Variants in DNAJC6 observed in about 807,000 individuals in gnomAD.
The protein encoded by DNAJC6 is DnaJ heat shock protein family (Hsp40) member C6, also known as auxilin.
In DNAJC6, 34 loss-of-function variants were observed where a neutral mutation model predicts 110.0. That is an observed-to-expected ratio of 0.31 (90% CI 0.24 to 0.41). The LOEUF (loss-of-function observed/expected upper bound fraction) is 0.41, where lower values mean the gene tolerates loss of function less well. DNAJC6 is among the 10% of genes least tolerant of loss of function. The pLI, the probability that DNAJC6 is intolerant of heterozygous loss-of-function variation, is 1.00. For synonymous variants in DNAJC6, 406 were observed against 437.2 expected (o/e 0.93, Z 0.89); for missense variants, 1,031 against 1,207.8 (o/e 0.85, Z 2.17).
intron 1 of DNAJC6, among the ~76,000 whole-genome samples, chr1:65,291,070 G>C (rs1443935268): frequency 1.3e-5 from 2 of 152,154 alleles, no homozygotes; most frequent in Non-Finnish European, 2.9e-5. Context: ...GTCTTACTTT[G>C]TCACCCAGGC....
At chr1:65,310,080 C>T (rs1645084511) in intron 1 of DNAJC6, 142 bp downstream of exon 1, 2 of 950,184 alleles carry the variant, frequency 2.1e-6, no homozygotes, top group Admixed American at 3.7e-5. Flanking sequence ...TCTAATACCA[C>T]CTGGGTGTCG....
intron 15 of DNAJC6, 122 bp downstream of exon 15, chr1:65,402,002 C>G: frequency 7.5e-7 from 1 of 1,334,826 alleles, no homozygotes; most frequent in Non-Finnish European, 1.0e-6. Context: ...AGTGTGTATT[C>G]TTAAGCTATC....
intron 1 of DNAJC6, among the ~76,000 whole-genome samples, chr1:65,344,622 A>C (rs563073017): frequency 1.6e-4 from 25 of 152,136 alleles, no homozygotes; most frequent in Non-Finnish European, 3.2e-4. Flanking sequence ...AATTCAATTA[A>C]CTCCATGATT....
upstream of DNAJC6, among the ~76,000 whole-genome samples, chr1:65,307,010 CTCTCTCTCTATATATATA>C (rs1645049030): frequency 1.2e-5 from 1 of 84,778 alleles, no homozygotes; most frequent in Non-Finnish European, 2.2e-5. Flanking sequence ...CTCTCTCTCT[CTCTCTCTCTATATATATA>C]TATATATATA....
chr1:65,307,014 C>CTATATATA (rs1330055090), upstream of DNAJC6, among the ~76,000 whole-genome samples: 19 of 75,954 alleles, frequency 2.5e-4, no homozygotes, highest in African/African-American at 1.0e-3. Flanking sequence ...CTCTCTCTCT[C>CTATATATA]TCTCTATATA....
chr1:65,377,831 A>G (rs527578837), intron 4 of DNAJC6, among the ~76,000 whole-genome samples: 1 of 152,340 alleles, frequency 6.6e-6, no homozygotes, highest in Non-Finnish European at 1.5e-5. Context: ...CCATGGTCAA[A>G]TAGAAGGAAT....
At chr1:65,375,551 G>T (rs1346410401) in intron 4 of DNAJC6, among the ~76,000 whole-genome samples, 1 of 151,674 alleles carries the variant, frequency 6.6e-6, no homozygotes, top group Non-Finnish European at 1.5e-5. Flanking sequence ...TCAGCCTCCC[G>T]AGTAACTCGG....
chr1:65,265,006 C>A, intron 1 of DNAJC6: 1 of 1,387,906 alleles, frequency 7.2e-7, no homozygotes, highest in South Asian at 1.2e-5. Context: ...CGATGTCACT[C>A]CACAGACATA....
chr1:65,405,493 C>T (rs1646067103), intron 15 of DNAJC6, among the ~76,000 whole-genome samples: 1 of 152,002 alleles, frequency 6.6e-6, no homozygotes, highest in South Asian at 2.1e-4. Flanking sequence ...ACAGAATCTG[C>T]TCAGAAGATG....
intron 1 of DNAJC6, among the ~76,000 whole-genome samples, chr1:65,276,079 G>A (rs1329047384): frequency 4.6e-5 from 7 of 151,908 alleles, no homozygotes; most frequent in East Asian, 1.9e-4. Context: ...ATGGGGTTTC[G>A]CCATGTTGGC....
At chr1:65,331,224 T>C (rs1191757060) in intron 1 of DNAJC6, among the ~76,000 whole-genome samples, 1 of 152,214 alleles carries the variant, frequency 6.6e-6, no homozygotes, top group East Asian at 1.9e-4. Context: ...TTTGTAGCCA[T>C]TGGCTTCCCA....
intron 14 of DNAJC6, 124 bp downstream of exon 14, chr1:65,399,005 A>G (rs1306325859): frequency 3.2e-6 from 3 of 947,840 alleles, no homozygotes; most frequent in African/African-American, 3.3e-5. Context: ...CTTTTTCCTA[A>G]AGATTCATAT....
At chr1:65,383,432 A>G (rs1366972310) in intron 5 of DNAJC6, among the ~76,000 whole-genome samples, 2 of 152,288 alleles carry the variant, frequency 1.3e-5, no homozygotes, top group East Asian at 3.9e-4. Context: ...TGCTGGGATT[A>G]CAGACATGAG....
chr1:65,309,558 C>T lies in DNAJC6; in HGVS notation c.-188C>T. 7.7e-7 allele frequency: 1 copy of T among 1,291,800 alleles called. No individual in the cohort carries two copies. The highest frequency in any genetic ancestry group is 3.8e-5 in the East Asian group (1 of 26,162). 80.0% of individuals were successfully genotyped at this position (1,291,800 alleles called of 1,614,324 possible). A position where few individuals can be genotyped will look rare whatever the true frequency, so the allele number is the denominator to read the frequency against. On this transcript the variant is annotated 5_prime_UTR_variant, in exon 1 of 19. Coordinates refer to ENST00000371069, the MANE Select transcript of DNAJC6 (RefSeq NM_001256864.2). Reference sequence around the variant, plus strand: ...CCGGCGCCCCGAGCCGAGCTCAGCCCAGGGCGGCGGCTTCGCCTCGCCCGG... The same window carrying T: ...CCGGCGCCCCGAGCCGAGCTCAGCCTAGGGCGGCGGCTTCGCCTCGCCCGG...
rs72932081 is a variant in DNAJC6 at position 65,278,260 on chromosome 1, G to A, written c.-131+13328G>A. Among the ~76,000 whole-genome samples, 1,397 of 152,238 alleles carry A rather than the reference G, an allele frequency of 9.2e-3. 25 individuals carry two copies. The highest frequency in any genetic ancestry group is 0.032 in the African/African-American group (1,331 of 41,536). On this transcript the variant is annotated intron_variant, in intron 1 of 19. Transcript: ENST00000263441. ...ATCTCATATGTTTTTGATCACTTAT[G>A]TGCTCAGGTCTCCTTTTTCAAATCA...
At chr1:65,289,581 C>T (rs1399996562) in intron 1 of DNAJC6, among the ~76,000 whole-genome samples, 4 of 152,104 alleles carry the variant, frequency 2.6e-5, no homozygotes, top group South Asian at 2.1e-4. Context: ...GGTTAAGCAC[C>T]TAGTCATAAG....
At chr1:65,351,153 G>T (rs1327928558) in intron 1 of DNAJC6, among the ~76,000 whole-genome samples, 4 of 152,162 alleles carry the variant, frequency 2.6e-5, no homozygotes, top group Admixed American at 2.0e-4. Context: ...TTGGGCTCTA[G>T]ATCATTTTAT....
chr1:65,307,016 C>CTATATATA (rs1436882652), upstream of DNAJC6, among the ~76,000 whole-genome samples: 13 of 73,716 alleles, frequency 1.8e-4, no homozygotes, highest in African/African-American at 5.7e-4. Context: ...CTCTCTCTCT[C>CTATATATA]TCTATATATA....
Position 65,380,916 on chromosome 1 carries a change from G to GTTTTTTTTTTTTTTTTTTTTTTTTTTT in DNAJC6, c.666+1396_666+1397insTTTTTTTTTTTTTTTTTTTTTTTTTTT, listed in dbSNP as rs796797174. On this transcript the variant is annotated intron_variant, in intron 5 of 18. Coordinates refer to ENST00000371069, the MANE Select transcript of DNAJC6 (RefSeq NM_001256864.2). ...TTTTTTTTTTTTTGTTTTTTGTTTTGTTTTGTTTTTTTTTTTTTTTTGGGA... is the reference window on the plus strand; with the variant it reads ...TTTTTTTTTTTTTGTTTTTTGTTTTGTTTTTTTTTTTTTTTTTTTTTTTTTTTTTTTGTTTTTTTTTTTTTTTTGGGA... Among the ~76,000 whole-genome samples, 43 of 93,520 alleles carry GTTTTTTTTTTTTTTTTTTTTTTTTTTT rather than the reference G, an allele frequency of 4.6e-4. 8 individuals are homozygous for GTTTTTTTTTTTTTTTTTTTTTTTTTTT. Among genetic ancestry groups the GTTTTTTTTTTTTTTTTTTTTTTTTTTT allele is most frequent in the African/African-American group, 1.9e-3 (28 of 15,044 alleles). 61.4% of individuals were successfully genotyped at this position (93,520 alleles called of 152,430 possible). A position where few individuals can be genotyped will look rare whatever the true frequency, so the allele number is the denominator to read the frequency against.
Sources: allele counts gnomAD v4.1 joint callset (sites outside exome capture counted in the v4.1 genomes callset), GRCh38; gene constraint gnomAD v4.1.1; transcripts MANE v1.5; gene names NCBI Gene and HGNC (gene_info 2026-07-23, HGNC 2026-07-21).